PABPC4L: variants seen among roughly 807,000 people sequenced by gnomAD.
PABPC4L encodes the protein poly(A) binding protein cytoplasmic 4 like.
For synonymous variants in PABPC4L, 169 were observed against 164.1 expected (o/e 1.03, Z -0.23); for missense variants, 452 against 451.4 (o/e 1.00, Z -0.01).
At chr4:134,060,384 C>T in the PABPC4L span, among the ~76,000 whole-genome samples, 2 of 151,698 alleles carry the variant, frequency 1.3e-5, no homozygotes, top group Non-Finnish European at 2.9e-5. Flanking sequence ...AGCACTTGTG[C>T]CAACACTCCC....
At chr4:134,055,699 T>A in the PABPC4L span, among the ~76,000 whole-genome samples, 1 of 149,836 alleles carries the variant, frequency 6.7e-6, no homozygotes, top group South Asian at 2.1e-4. Context: ...GTTTCAAGAG[T>A]TTTTTACATA....
the PABPC4L span, among the ~76,000 whole-genome samples, chr4:134,178,590 T>C: frequency 6.6e-6 from 1 of 151,966 alleles, no homozygotes; most frequent in African/African-American, 2.4e-5. Context: ...AGAACAGGAA[T>C]GAAAATCATC....
At chr4:134,042,276 A>T in the PABPC4L span, among the ~76,000 whole-genome samples, 2 of 152,010 alleles carry the variant, frequency 1.3e-5, no homozygotes, top group Non-Finnish European at 1.5e-5. Flanking sequence ...GGTACAATGG[A>T]CATTGGAGAC....
At chr4:134,104,236 T>C in the PABPC4L span, among the ~76,000 whole-genome samples, 5 of 151,700 alleles carry the variant, frequency 3.3e-5, no homozygotes, top group African/African-American at 1.2e-4. Flanking sequence ...AACAGAACTT[T>C]CTTTCTGAGC....
At chr4:134,141,579 C>T in the PABPC4L span, among the ~76,000 whole-genome samples, 3 of 150,690 alleles carry the variant, frequency 2.0e-5, no homozygotes, top group East Asian at 1.9e-4. Flanking sequence ...CAATTAATGT[C>T]TTGTTATTGT....
the PABPC4L span, among the ~76,000 whole-genome samples, chr4:134,166,041 C>A: frequency 6.6e-6 from 1 of 152,112 alleles, no homozygotes; most frequent in African/African-American, 2.4e-5. Context: ...AAACCAAATA[C>A]CATATGTTCT....
At chr4:134,183,506 A>G in the PABPC4L span, among the ~76,000 whole-genome samples, 14 of 151,874 alleles carry the variant, frequency 9.2e-5, no homozygotes, top group African/African-American at 3.4e-4. Flanking sequence ...ACTACCAATA[A>G]GGTACCATGC....
chr4:134,059,277 C>T, the PABPC4L span, among the ~76,000 whole-genome samples: 1 of 150,910 alleles, frequency 6.6e-6, no homozygotes, highest in Non-Finnish European at 1.5e-5. Context: ...CCAAATTATA[C>T]TTAAAGGTTC....
rs1578884238 is a variant in PABPC4L at position 134,199,704 on chromosome 4, C to T, written c.*203G>A. On this transcript the variant is annotated 3_prime_UTR_variant, in exon 2 of 2. Transcript: ENST00000421491. ...TGCAATATTAAAATTAGAAAATGTG[C>T]CTCTGTAAAATGAACTAAGCTCCAT... The T allele has an allele frequency of 1.8e-6, 1 of 564,324 alleles. No individual in the cohort carries two copies. The highest frequency in any genetic ancestry group is 3.0e-6 in the Non-Finnish European group (1 of 335,294). The allele number at this position is 564,324 out of a possible 1,614,324, so 35.0% of individuals were successfully genotyped here. A position where few individuals can be genotyped will look rare whatever the true frequency, so the allele number is the denominator to read the frequency against.
At chr4:134,132,329 T>G in the PABPC4L span, among the ~76,000 whole-genome samples, 1 of 152,122 alleles carries the variant, frequency 6.6e-6, no homozygotes, top group African/African-American at 2.4e-5. Flanking sequence ...AAAAGATTAA[T>G]ATCCAGAATC....
At chr4:134,161,228 G>C in the PABPC4L span, among the ~76,000 whole-genome samples, 1 of 151,178 alleles carries the variant, frequency 6.6e-6, no homozygotes, top group African/African-American at 2.4e-5. Context: ...AGGCTACATG[G>C]AAATACACAG....
the PABPC4L span, among the ~76,000 whole-genome samples, chr4:134,112,060 A>C: frequency 2.1e-4 from 32 of 152,140 alleles, no homozygotes; most frequent in Non-Finnish European, 3.5e-4. Flanking sequence ...ATATAAAATA[A>C]TGACATAGTA....
At chr4:134,170,969 CT>C in the PABPC4L span, among the ~76,000 whole-genome samples, 2 of 152,156 alleles carry the variant, frequency 1.3e-5, no homozygotes, top group South Asian at 2.1e-4. Context: ...TAAGTGTTCC[CT>C]TTTATTTGCA....
At chr4:134,048,060 A>G in the PABPC4L span, among the ~76,000 whole-genome samples, 2 of 152,140 alleles carry the variant, frequency 1.3e-5, no homozygotes, top group African/African-American at 4.8e-5. Flanking sequence ...ATCAGGAATT[A>G]CAACCTTATT....
At chr4:134,073,313 A>G in the PABPC4L span, among the ~76,000 whole-genome samples, 16 of 152,304 alleles carry the variant, frequency 1.1e-4, no homozygotes, top group Admixed American at 4.6e-4. Context: ...TCAAAAATCT[A>G]ATAGGTCACC....
At chr4:134,104,098 T>A in the PABPC4L span, among the ~76,000 whole-genome samples, 1 of 151,732 alleles carries the variant, frequency 6.6e-6, no homozygotes, top group Non-Finnish European at 1.5e-5. Flanking sequence ...TAAAATAACT[T>A]TATGAATTCT....
the PABPC4L span, among the ~76,000 whole-genome samples, chr4:133,988,584 C>T: frequency 6.6e-6 from 1 of 152,224 alleles, no homozygotes; most frequent in Non-Finnish European, 1.5e-5. Flanking sequence ...AGGAGCCCTG[C>T]CCTGTGGCTC....
chr4:134,052,333 C>A, the PABPC4L span, among the ~76,000 whole-genome samples: 1 of 151,924 alleles, frequency 6.6e-6, no homozygotes, highest in East Asian at 1.9e-4. Context: ...CAAATTTGTA[C>A]AAGGTTTAAA....
the PABPC4L span, among the ~76,000 whole-genome samples, chr4:134,173,993 T>G: frequency 6.6e-6 from 1 of 152,122 alleles, no homozygotes; most frequent in Non-Finnish European, 1.5e-5. Context: ...GTACAGAATA[T>G]TTAGTACAGC....
Sources: allele counts gnomAD v4.1 joint callset (sites outside exome capture counted in the v4.1 genomes callset), GRCh38; gene constraint gnomAD v4.1.1; transcripts MANE v1.5; gene names NCBI Gene and HGNC (gene_info 2026-07-23, HGNC 2026-07-21).